PPP1R16B: variants seen among roughly 807,000 people sequenced by gnomAD.
PPP1R16B encodes the protein protein phosphatase 1 regulatory subunit 16B.
PPP1R16B carries 14 observed loss-of-function variants against 61.7 expected under a neutral mutation model. The ratio of observed to expected loss-of-function variants is 0.23; its 90% CI spans 0.15 to 0.35. The LOEUF (loss-of-function observed/expected upper bound fraction) is 0.35, where lower values mean the gene tolerates loss of function less well. Ranked by LOEUF, PPP1R16B falls within the 10% of genes least tolerant of loss-of-function variation. The probability of loss-of-function intolerance (pLI) is 1.00; values close to 1 mark genes in which losing one functional copy is unlikely to be tolerated. For missense variants in PPP1R16B, 547 were observed against 752.5 expected, an observed-to-expected ratio of 0.73 and a Z score of 3.19; for synonymous variants, 266 against 305.3, an observed-to-expected ratio of 0.87 and a Z score of 1.34.
At chr20:38,809,423 G>A (rs1469727765) in intron 1 of PPP1R16B, among the ~76,000 whole-genome samples, 1 of 152,158 alleles carries the variant, frequency 6.6e-6, no homozygotes, top group Non-Finnish European at 1.5e-5. Flanking sequence ...ATTTCAAGAT[G>A]AATGAGGCAG....
At chr20:38,910,685 CA>C (rs112501492) in intron 10 of PPP1R16B, among the ~76,000 whole-genome samples, 1,726 of 152,110 alleles carry the variant, frequency 0.011, 31 homozygotes, top group African/African-American at 0.04. Flanking sequence ...AGGCATGCAC[CA>C]CCATGCCTGG....
chr20:38,819,917 C>G (rs1014510261), intron 1 of PPP1R16B, among the ~76,000 whole-genome samples: 1 of 152,156 alleles, frequency 6.6e-6, no homozygotes, highest in African/African-American at 2.4e-5. Flanking sequence ...GCTACCAGCA[C>G]TCCAGAAGCC....
intron 2 of PPP1R16B, among the ~76,000 whole-genome samples, chr20:38,884,437 C>T (rs536568632): frequency 5.9e-5 from 9 of 152,294 alleles, no homozygotes; most frequent in East Asian, 1.9e-4. Flanking sequence ...TCGTAGGCCA[C>T]GTGAGCCATA....
At chr20:38,836,263 G>C in intron 2 of PPP1R16B, 88 bp downstream of exon 2, 2 of 1,515,796 alleles carry the variant, frequency 1.3e-6, no homozygotes, top group Non-Finnish European at 1.8e-6. Context: ...TAGACGTGTG[G>C]GCAAGGCAGG....
At position 38,919,659 on chromosome 20, in the gene PPP1R16B, T is replaced by C. The variant is rs1332046637; in HGVS notation, c.*993T>C. The C allele has an allele frequency of 6.6e-6, 1 of 152,090 alleles. No individual in the cohort carries two copies. The highest frequency in any genetic ancestry group is 6.5e-5 in the Admixed American group (1 of 15,268). The allele number at this position is 152,090 out of a possible 1,614,324, so 9.4% of individuals were successfully genotyped here. A position where few individuals can be genotyped will look rare whatever the true frequency, so the allele number is the denominator to read the frequency against. ...AATGAAGCTAAGTGAGGAGCTTCCA[T>C]TGGAATGCTTTTCCAGGGAGAGAGG... On this transcript the variant is annotated 3_prime_UTR_variant, in exon 11 of 11. Transcript: ENST00000299824.
intron 2 of PPP1R16B, among the ~76,000 whole-genome samples, chr20:38,839,791 A>G (rs745802203): frequency 6.6e-6 from 1 of 152,006 alleles, no homozygotes; most frequent in Non-Finnish European, 1.5e-5. Context: ...GTAGTATTCC[A>G]TAGTATGGAT....
At chr20:38,916,213 C>T (rs908850496) in intron 10 of PPP1R16B, among the ~76,000 whole-genome samples, 7 of 150,012 alleles carry the variant, frequency 4.7e-5, no homozygotes, top group Non-Finnish European at 7.4e-5. Context: ...AAGGAGAAAG[C>T]GAAGAAATAC....
At chr20:38,894,106 TCCCCCCCG>T (rs907967673) in intron 3 of PPP1R16B, among the ~76,000 whole-genome samples, 2 of 150,290 alleles carry the variant, frequency 1.3e-5, no homozygotes, top group Non-Finnish European at 3.0e-5. Flanking sequence ...CTAGCCACCG[TCCCCCCCG>T]CACCCCCGCA....
chr20:38,854,965 A>G (rs954069822), intron 2 of PPP1R16B, among the ~76,000 whole-genome samples: 1 of 152,292 alleles, frequency 6.6e-6, no homozygotes, highest in South Asian at 2.1e-4. Context: ...AAGTATTCTT[A>G]TTGCAGTCAT....
intron 1 of PPP1R16B, among the ~76,000 whole-genome samples, chr20:38,818,134 C>T (rs1345054624): frequency 1.3e-5 from 2 of 152,218 alleles, no homozygotes; most frequent in African/African-American, 4.8e-5. Context: ...GCAGATACAT[C>T]TTGGTTCAAA....
At chr20:38,891,935 A>T (rs2085295564) in intron 3 of PPP1R16B, among the ~76,000 whole-genome samples, 1 of 152,214 alleles carries the variant, frequency 6.6e-6, no homozygotes, top group Non-Finnish European at 1.5e-5. Context: ...GCCACCAGCC[A>T]CACGCGGATC....
intron 1 of PPP1R16B, among the ~76,000 whole-genome samples, chr20:38,808,900 G>A (rs2084680231): frequency 6.6e-6 from 1 of 152,100 alleles, no homozygotes. Flanking sequence ...CAGCATGGTG[G>A]CGCATGCCTG....
At chr20:38,906,853 C>T (rs2085447541) in intron 7 of PPP1R16B, 126 bp from the exon 8 acceptor site, 3 of 778,460 alleles carry the variant, frequency 3.9e-6, no homozygotes, top group Non-Finnish European at 6.6e-6. Flanking sequence ...GCAGGCCTTC[C>T]CTGGAAATCA....
At chr20:38,899,750 G>C (rs1212038305) in intron 4 of PPP1R16B, among the ~76,000 whole-genome samples, 1 of 151,932 alleles carries the variant, frequency 6.6e-6, no homozygotes, top group East Asian at 1.9e-4. Flanking sequence ...GGACTCTACT[G>C]TATCCAAGCT....
chr20:38,918,548 G>A lies in PPP1R16B; in HGVS notation c.1586G>A (p.Ser529Asn). The A allele has an allele frequency of 6.4e-7, 1 of 1,572,030 alleles. No homozygotes were observed. ...PLIGGRTSPY[S>N]SNGTSVYYTV... ...ATCGGAGGCAGAACTTCACCGTACA[G>A]CAGCAATGGGACCTCGGTATATTAC... Residue 529 changes from serine to asparagine, a missense_variant, in exon 11 of 11, where the codon AGC becomes AAC. Physicochemically the swap from Ser to Asn is conservative, Grantham distance 46. Coordinates refer to ENST00000299824, the MANE Select transcript of PPP1R16B (RefSeq NM_015568.4). This position sits in a 1 kb window ranked among gnomAD's most constrained non-coding sequence, Gnocchi z 5.3.
intron 1 of PPP1R16B, among the ~76,000 whole-genome samples, chr20:38,834,670 G>A (rs991578380): frequency 3.3e-5 from 5 of 151,938 alleles, no homozygotes; most frequent in South Asian, 2.1e-4. Flanking sequence ...TTGTTTATGT[G>A]GATTATATCT....
intron 2 of PPP1R16B, among the ~76,000 whole-genome samples, chr20:38,849,617 A>C (rs1428492998): frequency 6.6e-6 from 1 of 151,988 alleles, no homozygotes; most frequent in Non-Finnish European, 1.5e-5. Flanking sequence ...AAAACCCCCA[A>C]GTCAGCTTCC....
intron 10 of PPP1R16B, among the ~76,000 whole-genome samples, chr20:38,911,450 G>A (rs976876401): frequency 6.6e-6 from 1 of 151,908 alleles, no homozygotes; most frequent in East Asian, 1.9e-4. Context: ...ACAGGCGTGA[G>A]CCACCACGCC....
At chr20:38,825,360 T>C (rs1355556270) in intron 1 of PPP1R16B, among the ~76,000 whole-genome samples, 2 of 152,226 alleles carry the variant, frequency 1.3e-5, no homozygotes, top group East Asian at 1.9e-4. Flanking sequence ...GAGCCGCAAG[T>C]GCTTTAGAAG....
Sources: allele counts gnomAD v4.1 joint callset (sites outside exome capture counted in the v4.1 genomes callset), GRCh38; gene constraint gnomAD v4.1.1; non-coding constraint Gnocchi (gnomAD v3.1); transcripts MANE v1.5; gene names NCBI Gene and HGNC (gene_info 2026-07-23, HGNC 2026-07-21).